PCBP3: variants seen among roughly 807,000 people sequenced by gnomAD.
PCBP3 encodes poly(rC)-binding protein 3.
In PCBP3, 25 loss-of-function variants were observed where a neutral mutation model predicts 52.7. The ratio of observed to expected loss-of-function variants is 0.47; its 90% CI spans 0.35 to 0.66. The LOEUF (loss-of-function observed/expected upper bound fraction) is 0.66, where lower values mean the gene tolerates loss of function less well. Among genes scored for constraint, PCBP3 ranks in the 30% least tolerant of loss-of-function variants. The probability of loss-of-function intolerance (pLI) is 0.01; values close to 1 mark genes in which losing one functional copy is unlikely to be tolerated. For synonymous variants in PCBP3, 162 were observed against 183.0 expected (o/e 0.89, Z 0.93); for missense variants, 391 against 490.3 (o/e 0.80, Z 1.91).
intron 4 of PCBP3, among the ~76,000 whole-genome samples, chr21:45,789,688 T>TTGTGGTCC (rs1460468741): frequency 6.6e-6 from 1 of 151,996 alleles, no homozygotes; most frequent in African/African-American, 2.4e-5. Flanking sequence ...AGCAGGTCAT[T>TTGTGGTCC]TGTGGTCCTG....
chr21:45,688,180 AC>A (rs563292304), intron 2 of PCBP3, among the ~76,000 whole-genome samples: 8 of 152,270 alleles, frequency 5.3e-5, no homozygotes, highest in Non-Finnish European at 1.2e-4. Flanking sequence ...AAGCAAGTAG[AC>A]ATGAAATCAA....
chr21:45,722,327 G>A (rs2084709643), intron 2 of PCBP3, among the ~76,000 whole-genome samples: 2 of 152,214 alleles, frequency 1.3e-5, no homozygotes, highest in South Asian at 4.2e-4. Context: ...TACAACCAAA[G>A]GCTTACAGCA....
intron 2 of PCBP3, among the ~76,000 whole-genome samples, chr21:45,710,660 T>TC (rs1381224406): frequency 6.6e-6 from 1 of 152,228 alleles, no homozygotes; most frequent in Admixed American, 6.5e-5. Flanking sequence ...CTTCTTTTTT[T>TC]CTCTGTCTTT....
At chr21:45,784,272 C>T (rs1042090285) in intron 4 of PCBP3, among the ~76,000 whole-genome samples, 6 of 152,096 alleles carry the variant, frequency 3.9e-5, no homozygotes, top group African/African-American at 1.5e-4. Context: ...AAGGCATGAA[C>T]ATTTCACTCC....
At chr21:45,734,756 G>A (rs965355691) in intron 2 of PCBP3, among the ~76,000 whole-genome samples, 1 of 152,128 alleles carries the variant, frequency 6.6e-6, no homozygotes, top group Non-Finnish European at 1.5e-5. Context: ...GAACACCCTC[G>A]TCTCATATCT....
At chr21:45,875,621 C>T (rs1161871309) in intron 5 of PCBP3, among the ~76,000 whole-genome samples, 4 of 152,196 alleles carry the variant, frequency 2.6e-5, no homozygotes, top group African/African-American at 9.7e-5. Flanking sequence ...GGACATCTAC[C>T]AGCAATGGCC....
At chr21:45,670,776 A>G (rs1304654192) in intron 2 of PCBP3, among the ~76,000 whole-genome samples, 3 of 152,122 alleles carry the variant, frequency 2.0e-5, no homozygotes, top group East Asian at 1.9e-4. Context: ...TTAACTTTCA[A>G]TCCCACAAAT....
At chr21:45,906,423 G>T (rs532737920) in intron 9 of PCBP3, among the ~76,000 whole-genome samples, 29 of 152,166 alleles carry the variant, frequency 1.9e-4, no homozygotes, top group African/African-American at 6.7e-4. Flanking sequence ...GGGCCGGGGA[G>T]GCCTTTGGAT....
At chr21:45,909,306 T>C (rs1360831662) in intron 9 of PCBP3, 49 bp from the exon 10 acceptor site, 2 of 1,584,400 alleles carry the variant, frequency 1.3e-6, no homozygotes, top group African/African-American at 2.7e-5. Flanking sequence ...TCCTGCTTTC[T>C]CACTGCACGA....
chr21:45,912,471 G>T (rs2096415467), intron 11 of PCBP3, among the ~76,000 whole-genome samples: 1 of 152,178 alleles, frequency 6.6e-6, no homozygotes, highest in South Asian at 2.1e-4. Flanking sequence ...TTGGTAGTGG[G>T]CATGCCTCAC....
At chr21:45,648,674 A>T (rs1399900521) in intron 1 of PCBP3, among the ~76,000 whole-genome samples, 1 of 152,224 alleles carries the variant, frequency 6.6e-6, no homozygotes, top group East Asian at 1.9e-4. Flanking sequence ...GTAGCTTCAG[A>T]TGTTTTAATT....
chr21:45,707,542 A>G (rs1030848771), intron 2 of PCBP3, among the ~76,000 whole-genome samples: 2 of 152,106 alleles, frequency 1.3e-5, no homozygotes, highest in African/African-American at 2.4e-5. Context: ...TAAATAATAA[A>G]ATAAATAAAA....
rs2095366546 is a variant in PCBP3 at position 45,880,186 on chromosome 21, G to A, written c.11-16022G>A. ...CCTCTGGCCTCTTCTGGGAGCTGGT[G>A]GATTTGCAAGTCACGGCCAGCCTTC... On this transcript the variant is annotated intron_variant, in intron 5 of 17. Transcript: ENST00000681687. This position sits in a 1 kb window ranked among gnomAD's most constrained non-coding sequence, Gnocchi z 5.4. 6.6e-6 allele frequency among the ~76,000 whole-genome samples: 1 copy of A among 152,216 alleles called. No individual in the cohort carries two copies. Among genetic ancestry groups the A allele is most frequent in the Admixed American group, 6.5e-5 (1 of 15,286 alleles).
At chr21:45,666,615 T>C (rs1252534048) in intron 1 of PCBP3, among the ~76,000 whole-genome samples, 2 of 152,216 alleles carry the variant, frequency 1.3e-5, no homozygotes, top group African/African-American at 2.4e-5. Flanking sequence ...ATAATTTTTC[T>C]GGATATAGAA....
At chr21:45,921,336 T>C (rs888311223) in intron 13 of PCBP3, among the ~76,000 whole-genome samples, 1 of 152,220 alleles carries the variant, frequency 6.6e-6, no homozygotes, top group Non-Finnish European at 1.5e-5. Flanking sequence ...ACTAGAGTCA[T>C]TTTTTAGGAA....
chr21:45,785,274 C>T (rs1355461630), intron 4 of PCBP3, among the ~76,000 whole-genome samples: 2 of 151,896 alleles, frequency 1.3e-5, no homozygotes, highest in African/African-American at 4.8e-5. Flanking sequence ...GCAGCCACCC[C>T]GTCCAGGAGG....
In PCBP3 at chr21:45,782,041, C is replaced by T. The variant is rs1415498376; in HGVS notation, c.-126+26589C>T. ...GTTCATTCAGTATTCCATTATATAT[C>T]TCAAAGCTGATTTTTTTTTTCCCCC... On this transcript the variant is annotated intron_variant, in intron 4 of 17. Transcript: ENST00000681687. Among the ~76,000 whole-genome samples the T allele has an allele frequency of 2.3e-5, 3 of 132,200 alleles. No homozygotes were observed. In the Admixed American group the frequency reaches 2.4e-4, roughly 10 times the overall value. The allele number at this position is 132,200 out of a possible 152,430, so 86.7% of individuals were successfully genotyped here. A position where few individuals can be genotyped will look rare whatever the true frequency, so the allele number is the denominator to read the frequency against.
At position 45,850,130 on chromosome 21, in the gene PCBP3, T is replaced by C. The variant is rs756462796; in HGVS notation, c.10+35T>C. 3.3e-6 allele frequency: 5 copies of C among 1,534,348 alleles called. No individual in the cohort carries two copies. The South Asian group carries it at 6.0e-5, about 18-fold the overall frequency. ...TGTCTTTTGTTTCCATGTTTGTTTG[T>C]TTACCAAGAGTGTATATAACAAAGT... is the stretch of plus-strand genomic sequence containing the variant. On this transcript the variant is annotated intron_variant, in intron 5 of 17. Transcript: ENST00000681687.
intron 1 of PCBP3, among the ~76,000 whole-genome samples, chr21:45,646,365 G>A (rs1420592891): frequency 6.6e-6 from 1 of 151,942 alleles, no homozygotes; most frequent in Non-Finnish European, 1.5e-5. Flanking sequence ...GAGTTTTGTT[G>A]CTTGAGTATG....
Sources: allele counts gnomAD v4.1 joint callset (sites outside exome capture counted in the v4.1 genomes callset), GRCh38; gene constraint gnomAD v4.1.1; non-coding constraint Gnocchi (gnomAD v3.1); transcripts MANE v1.5; gene names NCBI Gene and HGNC (gene_info 2026-07-23, HGNC 2026-07-21).